Variants in SLC25A42 observed in about 807,000 individuals in gnomAD.
SLC25A42 encodes the protein solute carrier family 25 member 42, also known as mitochondrial coenzyme A transporter SLC25A42.
In SLC25A42, 19 loss-of-function variants were observed where a neutral mutation model predicts 34.7. The observed-to-expected ratio is 0.55, with a 90% CI of 0.38 to 0.80. The LOEUF is 0.80. SLC25A42 is among the 30% of genes least tolerant of loss of function. The pLI, the probability that SLC25A42 is intolerant of heterozygous loss-of-function variation, is 0.00. For missense variants in SLC25A42, 364 were observed against 441.3 expected (o/e 0.82, Z 1.57); for synonymous variants, 205 against 191.2 (o/e 1.07, Z -0.59).
In SLC25A42 at chr19:19,081,334, G is replaced by A. The variant is rs1292277666; in HGVS notation, c.-34-14757G>A. Among the ~76,000 whole-genome samples, 1 of 152,110 alleles carries A rather than the reference G, an allele frequency of 6.6e-6. No individual in the cohort carries two copies. Among genetic ancestry groups the A allele is most frequent in the African/African-American group, 2.4e-5 (1 of 41,404 alleles). On this transcript the variant is annotated intron_variant, in intron 1 of 7. Transcript: ENST00000318596. This position sits in a 1 kb window ranked among gnomAD's most constrained non-coding sequence, Gnocchi z 4.5. Reference sequence around the variant, plus strand: ...GACCAGCCTGGCAGGGGGTGATGATGAGAGGAAGTGACACCCCAACAACAG... The same window carrying A: ...GACCAGCCTGGCAGGGGGTGATGATAAGAGGAAGTGACACCCCAACAACAG...
At position 19,075,425 on chromosome 19, in the gene SLC25A42, T is replaced by G. The variant is rs558260013; in HGVS notation, c.-35+11310T>G. 9.8e-5 allele frequency among the ~76,000 whole-genome samples: 15 copies of G among 152,336 alleles called. No homozygotes were observed. In the East Asian group the frequency reaches 1.7e-3, roughly 18 times the overall value. On this transcript the variant is annotated intron_variant, in intron 1 of 7. Transcript: ENST00000318596. ...CAGCATGGGAAAAGATACACGTATG[T>G]TATTTGGGGCTGGCCCCCCTCTGCC...
intron 3 of SLC25A42, among the ~76,000 whole-genome samples, chr19:19,104,125 C>G (rs567003777): frequency 5.4e-4 from 82 of 152,222 alleles, no homozygotes; most frequent in Non-Finnish European, 9.4e-4. Context: ...GTTGGCCAGG[C>G]TGGTCTCGAA....
At chr19:19,090,036 T>C (rs567396770) in intron 1 of SLC25A42, among the ~76,000 whole-genome samples, 1 of 152,314 alleles carries the variant, frequency 6.6e-6, no homozygotes, top group South Asian at 2.1e-4. Context: ...TAGGCAAAAA[T>C]TTTGACAAGT....
intron 1 of SLC25A42, among the ~76,000 whole-genome samples, chr19:19,071,635 G>A (rs2059630444): frequency 6.6e-6 from 1 of 152,186 alleles, no homozygotes; most frequent in Non-Finnish European, 1.5e-5. Flanking sequence ...GGGAGGCCGA[G>A]GTGGGCGGAG....
At chr19:19,068,870 AAAT>A (rs1216953963) in intron 1 of SLC25A42, among the ~76,000 whole-genome samples, 2 of 150,284 alleles carry the variant, frequency 1.3e-5, no homozygotes, top group Non-Finnish European at 3.0e-5. Flanking sequence ...ATAAATAAAT[AAAT>A]AAATTAGCTG....
At chr19:19,086,181 C>T (rs1447994857) in intron 1 of SLC25A42, among the ~76,000 whole-genome samples, 7 of 152,194 alleles carry the variant, frequency 4.6e-5, no homozygotes, top group Non-Finnish European at 8.8e-5. Context: ...CGCTCTGTCA[C>T]ACAGGCTGGA....
chr19:19,087,127 C>T (rs543537527), intron 1 of SLC25A42, among the ~76,000 whole-genome samples: 1 of 152,210 alleles, frequency 6.6e-6, no homozygotes, highest in African/African-American at 2.4e-5. Flanking sequence ...TTTCCCCCTG[C>T]TCCTGGTAAC....
intron 7 of SLC25A42, 34 bp from the exon 8 acceptor site, chr19:19,110,535 C>T (rs1343080416): frequency 4.4e-6 from 6 of 1,374,836 alleles, no homozygotes; most frequent in South Asian, 1.7e-5. Context: ...CCCCTCGCGG[C>T]GCCTTCACGG....
In SLC25A42 at chr19:19,109,295, TTG is replaced by T. The variant is rs1268482898; in HGVS notation, c.649+1255_649+1256del. Among the ~76,000 whole-genome samples, 2 of 152,220 alleles carry T rather than the reference TTG, an allele frequency of 1.3e-5. No individual in the cohort carries two copies. The highest frequency in any genetic ancestry group is 4.8e-5 in the African/African-American group (2 of 41,458). Reference sequence around the variant, plus strand: ...AGCCGACATCCAGGAGCTCGTCTCCTTGTGTGACTGTAAAACCCCATTTTCGG... The same window carrying T: ...AGCCGACATCCAGGAGCTCGTCTCCTTGTGACTGTAAAACCCCATTTTCGG... On this transcript the variant is annotated intron_variant, in intron 7 of 7. Coordinates refer to ENST00000318596, the MANE Select transcript of SLC25A42 (RefSeq NM_178526.5). The surrounding 1 kb of genome is among the most constrained non-coding windows in gnomAD (Gnocchi z 4.1).
rs1258402351 is a variant in SLC25A42, at chr19:19,081,928, GACCTGATC to G, written c.-34-14157_-34-14150del. ...TTGGACACTGCCCCTCAGGGAGGCC[GACCTGATC>G]ACCTGGTCACTGGTCGCAAGTCTGG... On this transcript the variant is annotated intron_variant, in intron 1 of 7. Coordinates refer to ENST00000318596, the MANE Select transcript of SLC25A42 (RefSeq NM_178526.5). This position sits in a 1 kb window ranked among gnomAD's most constrained non-coding sequence, Gnocchi z 4.5. Among the ~76,000 whole-genome samples the G allele has an allele frequency of 6.6e-6, 1 of 152,180 alleles. No individual in the cohort carries two copies. The highest frequency in any genetic ancestry group is 2.4e-5 in the African/African-American group (1 of 41,450).
At chr19:19,066,832 C>T (rs1036968207) in intron 1 of SLC25A42, among the ~76,000 whole-genome samples, 10 of 152,016 alleles carry the variant, frequency 6.6e-5, no homozygotes, top group African/African-American at 1.9e-4. Flanking sequence ...ACACATTGAA[C>T]GTATTTGGGC....
At chr19:19,064,750 A>C (rs2059592335) in intron 1 of SLC25A42, among the ~76,000 whole-genome samples, 4 of 139,442 alleles carry the variant, frequency 2.9e-5, no homozygotes, top group East Asian at 2.1e-4. Context: ...GCTTTCTTCC[A>C]CGTGCACCTG....
At position 19,089,867 on chromosome 19, in the gene SLC25A42, T is replaced by TCAAAAAACAAAAA. The variant is rs982934706; in HGVS notation, c.-34-6214_-34-6202dup. On this transcript the variant is annotated intron_variant, in intron 1 of 7. Transcript: ENST00000318596. The stretch of plus-strand genomic sequence containing the variant: ...CTGGGTGACAGAGCGAGACTCCGTC[T>TCAAAAAACAAAAA]CAAAAAACAAAAACAAAAAACACCT... Among the ~76,000 whole-genome samples, 4 of 23,078 alleles carry TCAAAAAACAAAAA rather than the reference T, an allele frequency of 1.7e-4. No homozygotes were observed. In the East Asian group the frequency reaches 5.8e-3, roughly 33 times the overall value. 15.1% of individuals were successfully genotyped at this position (23,078 alleles called of 152,430 possible). A position where few individuals can be genotyped will look rare whatever the true frequency, so the allele number is the denominator to read the frequency against.
intron 1 of SLC25A42, among the ~76,000 whole-genome samples, chr19:19,073,801 C>T (rs935670146): frequency 4.6e-5 from 7 of 152,042 alleles, no homozygotes; most frequent in African/African-American, 1.7e-4. Flanking sequence ...CTTGAACTCC[C>T]GACCTTAAAT....
Position 19,110,730 on chromosome 19 carries a change from C to G in SLC25A42, c.811C>G (p.Leu271Val). 6.2e-7 allele frequency: 1 copy of G among 1,610,120 alleles called. No individual in the cohort carries two copies. Among genetic ancestry groups the G allele is most frequent in the Non-Finnish European group, 8.5e-7 (1 of 1,178,474 alleles). Residue 271 changes from leucine to valine, a missense_variant, in exon 8 of 8, where the codon CTG becomes GTG. Transcript: ENST00000318596. Reference protein sequence around the residue: ...GYPRASIARTLRTIVREEGAV... With the variant: ...GYPRASIARTVRTIVREEGAV... ...CCCGCGCGCCTCCATCGCCCGCACG[C>G]TGCGCACCATCGTGCGGGAGGAGGG...
chr19:19,095,301 G>A (rs2059758556), intron 1 of SLC25A42, among the ~76,000 whole-genome samples: 1 of 150,982 alleles, frequency 6.6e-6, no homozygotes, highest in Non-Finnish European at 1.5e-5. Flanking sequence ...TTGTTCTACT[G>A]CACTTGAGCC....
intron 1 of SLC25A42, among the ~76,000 whole-genome samples, chr19:19,083,067 C>T (rs2059689276): frequency 6.6e-6 from 1 of 152,130 alleles, no homozygotes; most frequent in Admixed American, 6.5e-5. Context: ...GGTGATCCAC[C>T]TGCCTCAGCC....
At chr19:19,110,303 A>G (rs1049163391) in intron 7 of SLC25A42, among the ~76,000 whole-genome samples, 3 of 152,114 alleles carry the variant, frequency 2.0e-5, no homozygotes, top group African/African-American at 7.2e-5. Context: ...AGATTGGGCC[A>G]TTGCCCTCCA....
At chr19:19,096,254 T>TGGGGGGCCCCCCCCCC in intron 2 of SLC25A42, 49 bp downstream of exon 2, 1 of 1,456,740 alleles carries the variant, frequency 6.9e-7, no homozygotes, top group East Asian at 2.4e-5. Context: ...GGCCCCAGCC[T>TGGGGGGCCCCCCCCCC]CCCCACCCCC....
Sources: gnomAD v4.1 joint callset for allele counts (sites outside exome capture counted in the v4.1 genomes callset) on GRCh38, gnomAD v4.1.1 for gene constraint, Gnocchi (gnomAD v3.1) non-coding constraint, MANE v1.5 for transcripts, NCBI Gene and HGNC (gene_info 2026-07-23, HGNC 2026-07-21) for gene names.